MSH3: variants seen among roughly 807,000 people sequenced by gnomAD.
MSH3 encodes the protein DNA mismatch repair protein Msh3.
In MSH3, 106 loss-of-function variants were observed where a neutral mutation model predicts 123.3. The observed-to-expected ratio is 0.86, with a 90% CI of 0.73 to 1.01. The LOEUF (loss-of-function observed/expected upper bound fraction) is 1.01, where lower values mean the gene tolerates loss of function less well. Ranked by LOEUF, MSH3 falls within the 50% of genes least tolerant of loss-of-function variation. The pLI is 0.00. For missense variants in MSH3, 1,459 were observed against 1,347.6 expected, an observed-to-expected ratio of 1.08 and a Z score of -1.29; for synonymous variants, 515 against 481.4, an observed-to-expected ratio of 1.07 and a Z score of -0.91.
At chr5:80,830,158 A>C (rs6151900) in intron 20 of MSH3, among the ~76,000 whole-genome samples, 18,766 of 151,834 alleles carry the variant, frequency 0.12, 1,354 homozygotes, top group African/African-American at 0.2. Context: ...AATTTTCTTG[A>C]TCTTTTCAAA....
intron 8 of MSH3, among the ~76,000 whole-genome samples, chr5:80,724,336 CAG>C (rs1751148790): frequency 6.6e-6 from 1 of 151,246 alleles, no homozygotes; most frequent in South Asian, 2.1e-4. Context: ...GAACAAGACA[CAG>C]AAATATGTTT....
In MSH3 at chr5:80,725,507, C is replaced by T. The variant is rs1419188316; in HGVS notation, c.1395C>T (p.Tyr465=). 2 of 1,613,946 alleles carry T rather than the reference C, an allele frequency of 1.2e-6. No individual in the cohort carries two copies. The highest frequency in any genetic ancestry group is 1.7e-6 in the Non-Finnish European group (2 of 1,179,924). ...GGATGGATAACATTTATTTTGAATA[C>T]AGCCATGCTTTCCAGGCAGTTACAG... ...VERMDNIYFE[Y]SHAFQAVTEF... is the part of the protein sequence containing the mutation. The change falls in exon 9 of 24, where the codon TAC becomes TAT. Residue 465 remains tyrosine, a synonymous_variant. Coordinates refer to ENST00000265081, the MANE Select transcript of MSH3 (RefSeq NM_002439.5).
At chr5:80,781,848 A>G (rs142014504) in intron 17 of MSH3, among the ~76,000 whole-genome samples, 1 of 152,270 alleles carries the variant, frequency 6.6e-6, no homozygotes, top group Non-Finnish European at 1.5e-5. Context: ...GCCTTCTACT[A>G]GGTTGACCCA....
At position 80,767,987 on chromosome 5, in the gene MSH3, G is replaced by C. The variant is rs1744150996; in HGVS notation, c.1951G>C (p.Glu651Gln). The C allele has an allele frequency of 1.2e-6, 2 of 1,613,506 alleles. No individual in the cohort carries two copies. The highest frequency in any genetic ancestry group is 2.2e-5 in the South Asian group (2 of 91,068). The change falls in exon 14 of 24, where the codon GAA becomes CAA. Residue 651 changes from glutamate (E) to glutamine (Q), a missense_variant. Glu to Gln is a conservative substitution (Grantham distance 29). Coordinates refer to ENST00000265081, the MANE Select transcript of MSH3 (RefSeq NM_002439.5). ...IVKTLYHLKS[E>Q]FQAIIPAVNS... ...CAAAACTTTATATCACCTAAAGTCAGAATTTCAAGCAATAATACCTGCTGT... is the reference window on the plus strand; with the variant it reads ...CAAAACTTTATATCACCTAAAGTCACAATTTCAAGCAATAATACCTGCTGT...
chr5:80,728,031 G>C (rs1318728793), intron 9 of MSH3, among the ~76,000 whole-genome samples: 1 of 152,192 alleles, frequency 6.6e-6, no homozygotes, highest in Non-Finnish European at 1.5e-5. Flanking sequence ...CAAGTAGTCT[G>C]TGTGCTGGAA....
rs1464410093 is a variant in MSH3, at chr5:80,722,850, A to G, written c.1341-2603A>G. 3.3e-5 allele frequency among the ~76,000 whole-genome samples: 5 copies of G among 152,220 alleles called. No individual in the cohort carries two copies. In the East Asian group the frequency reaches 9.6e-4, roughly 29 times the overall value. ...CTGGGCGCAATGGCTCACGCCCATA[A>G]TCCCAGCACTTTGGGAGGCCGAGGT... On this transcript the variant is annotated intron_variant, in intron 8 of 23. Transcript: ENST00000265081.
intron 20 of MSH3, among the ~76,000 whole-genome samples, chr5:80,853,055 C>G (rs1038595189): frequency 2.0e-5 from 3 of 152,012 alleles, no homozygotes; most frequent in African/African-American, 7.3e-5. Context: ...GTTCCTTTTG[C>G]ATTATATAGG....
chr5:80,672,101 C>T, intron 4 of MSH3, 143 bp from the exon 5 acceptor site: 2 of 687,910 alleles, frequency 2.9e-6, no homozygotes, highest in South Asian at 2.0e-5. Flanking sequence ...TTTTTTTAAA[C>T]TTTTTATTGA....
At chr5:80,688,708 A>G (rs1030650330) in intron 8 of MSH3, among the ~76,000 whole-genome samples, 15 of 152,154 alleles carry the variant, frequency 9.9e-5, no homozygotes, top group African/African-American at 3.6e-4. Context: ...CTTCTTTCTA[A>G]TGTCATTTGA....
At chr5:80,784,142 G>A (rs1406596357) in intron 17 of MSH3, among the ~76,000 whole-genome samples, 2 of 148,490 alleles carry the variant, frequency 1.3e-5, no homozygotes, top group Non-Finnish European at 3.0e-5. Flanking sequence ...TCTGGGAGGC[G>A]GAGGTTGCAG....
Position 80,767,940 on chromosome 5 carries a change from C to G in MSH3, c.1904C>G (p.Thr635Ser). 6.2e-7 allele frequency: 1 copy of G among 1,606,686 alleles called. No individual in the cohort carries two copies. ...AAATATTTCTATTTTCAGTGTTCTA[C>G]CCAAGAGTTCTTCTTGATTGTCAAA... is the stretch of plus-strand genomic sequence containing the variant. ...LCSIYHKKCS[T>S]QEFFLIVKTL... The change falls in exon 14 of 24, where the codon ACC becomes AGC. Residue 635 changes from threonine (T) to serine (S), a missense_variant. Transcript: ENST00000265081.
chr5:80,789,266 G>T (rs906561381), intron 18 of MSH3, among the ~76,000 whole-genome samples: 11 of 151,136 alleles, frequency 7.3e-5, no homozygotes, highest in Non-Finnish European at 8.9e-5. Context: ...CTTGTCTTCA[G>T]AATTACACTC....
chr5:80,714,428 G>T (rs1034946641), intron 8 of MSH3, among the ~76,000 whole-genome samples: 2 of 152,002 alleles, frequency 1.3e-5, no homozygotes, highest in Admixed American at 1.3e-4. Context: ...GAGCCACCAC[G>T]TCTGGCCCAA....
chr5:80,772,747 ATAGC>A (rs980226086), intron 15 of MSH3, among the ~76,000 whole-genome samples: 1 of 152,200 alleles, frequency 6.6e-6, no homozygotes, highest in Admixed American at 6.5e-5. Flanking sequence ...GAAAAAAAGA[ATAGC>A]TAGAGAAAAA....
chr5:80,855,931 T>A (rs1745911568), intron 21 of MSH3: 1 of 139,688 alleles, frequency 7.2e-6, no homozygotes, highest in Non-Finnish European at 1.5e-5. Context: ...TCACTCAGGC[T>A]GCAGTGCAGT....
At chr5:80,792,088 A>G (rs766967970) in intron 18 of MSH3, among the ~76,000 whole-genome samples, 2 of 152,236 alleles carry the variant, frequency 1.3e-5, no homozygotes, top group Non-Finnish European at 2.9e-5. Context: ...TTCATTTCCA[A>G]GTCCAACACA....
chr5:80,693,797 A>G (rs1388475895), intron 8 of MSH3, among the ~76,000 whole-genome samples: 2 of 152,054 alleles, frequency 1.3e-5, no homozygotes, highest in Non-Finnish European at 2.9e-5. Flanking sequence ...AGCTGGGACT[A>G]CAGGCATGTG....
At chr5:80,829,086 G>A (rs1372297178) in intron 20 of MSH3, among the ~76,000 whole-genome samples, 2 of 152,178 alleles carry the variant, frequency 1.3e-5, no homozygotes, top group Non-Finnish European at 2.9e-5. Context: ...TCCACGAATG[G>A]ATTAATTCAT....
intron 20 of MSH3, among the ~76,000 whole-genome samples, chr5:80,841,687 G>T (rs1182954788): frequency 2.0e-5 from 3 of 152,134 alleles, no homozygotes; most frequent in African/African-American, 7.2e-5. Flanking sequence ...ATGTCTGTTG[G>T]CTGCATGAAT....
Sources: gnomAD v4.1 joint callset for allele counts (sites outside exome capture counted in the v4.1 genomes callset) on GRCh38, gnomAD v4.1.1 for gene constraint, MANE v1.5 for transcripts, NCBI Gene and HGNC (gene_info 2026-07-23, HGNC 2026-07-21) for gene names.